The following TMEM51 variants were observed in gnomAD, a reference collection of about 807,000 sequenced individuals.
The protein encoded by TMEM51 is chromosome 1 open reading frame 72.
Under a neutral mutation model 13.6 loss-of-function variants are expected in TMEM51, and 8 were observed. The ratio of observed to expected loss-of-function variants is 0.59; its 90% CI spans 0.35 to 1.07. TMEM51 has a LOEUF of 1.07. TMEM51 is among the 50% of genes least tolerant of loss of function. TMEM51 has a pLI of 0.02. For synonymous variants in TMEM51, 147 were observed against 144.4 expected (o/e 1.02, Z -0.13); for missense variants, 279 against 330.7 (o/e 0.84, Z 1.21).
intron 1 of TMEM51, among the ~76,000 whole-genome samples, chr1:15,155,323 T>C (rs7525947): frequency 0.39 from 59,302 of 152,054 alleles, 11,978 homozygotes; most frequent in African/African-American, 0.51. Context: ...GGGATACTCA[T>C]GAAAAGTGTT....
At chr1:15,203,194 G>T (rs1433743130) in intron 1 of TMEM51, among the ~76,000 whole-genome samples, 1 of 151,998 alleles carries the variant, frequency 6.6e-6, no homozygotes, top group Admixed American at 6.6e-5. Context: ...TTCCTCCCTC[G>T]CATCCTTCAA....
intron 1 of TMEM51, among the ~76,000 whole-genome samples, chr1:15,185,093 G>A (rs924985704): frequency 1.1e-4 from 17 of 151,276 alleles, no homozygotes; most frequent in African/African-American, 4.1e-4. Context: ...TGTGCTTGAT[G>A]GTCCAGACTT....
intron 1 of TMEM51, among the ~76,000 whole-genome samples, chr1:15,177,621 T>C (rs1339027275): frequency 6.6e-6 from 1 of 152,186 alleles, no homozygotes; most frequent in East Asian, 1.9e-4. Context: ...GCGTGCAGTG[T>C]CTCTCTGGGA....
chr1:15,171,535 G>T (rs1017386046), intron 1 of TMEM51, among the ~76,000 whole-genome samples: 3 of 152,194 alleles, frequency 2.0e-5, no homozygotes, highest in Non-Finnish European at 4.4e-5. Flanking sequence ...AACAGGACCA[G>T]CAGTCAGGAG....
chr1:15,176,721 C>T (rs577284061), intron 1 of TMEM51, among the ~76,000 whole-genome samples: 28 of 152,316 alleles, frequency 1.8e-4, no homozygotes, highest in Admixed American at 1.3e-3. Flanking sequence ...TTAAAGAATT[C>T]AGGTTGGATG....
At position 15,177,371 on chromosome 1, in the gene TMEM51, A is replaced by G. The variant is rs184607707; in HGVS notation, c.-267+23417A>G. Among the ~76,000 whole-genome samples, 17 of 152,260 alleles carry G rather than the reference A, an allele frequency of 1.1e-4. 1 individual carries two copies. Among genetic ancestry groups the G allele is most frequent in the Admixed American group, 9.8e-4 (15 of 15,288 alleles). The stretch of plus-strand genomic sequence containing the variant: ...GGAGAGAATGCCCAAGGTCACTGAG[A>G]TTTCAAGCCCAGGCCACCAGGAAAG... On this transcript the variant is annotated intron_variant, in intron 1 of 3. Coordinates refer to ENST00000376008, the MANE Select transcript of TMEM51 (RefSeq NM_001136218.2).
intron 1 of TMEM51, among the ~76,000 whole-genome samples, chr1:15,165,134 C>T (rs556598088): frequency 5.3e-4 from 80 of 152,176 alleles, no homozygotes; most frequent in Middle Eastern, 3.4e-3. Flanking sequence ...AGCTGAATGC[C>T]CTAGTTGAGA....
intron 1 of TMEM51, among the ~76,000 whole-genome samples, chr1:15,156,233 G>C (rs569793802): frequency 6.6e-6 from 1 of 152,256 alleles, no homozygotes; most frequent in Admixed American, 6.5e-5. Context: ...CAGATGTCAC[G>C]AGGCCTGGGA....
At chr1:15,154,462 G>T (rs1642518021) in intron 1 of TMEM51, among the ~76,000 whole-genome samples, 1 of 152,178 alleles carries the variant, frequency 6.6e-6, no homozygotes, top group Admixed American at 6.5e-5. Flanking sequence ...TAAAGAATCG[G>T]GCATGAGCAA....
At chr1:15,196,332 T>C (rs1382156802) in intron 1 of TMEM51, among the ~76,000 whole-genome samples, 1 of 152,140 alleles carries the variant, frequency 6.6e-6, no homozygotes, top group Non-Finnish European at 1.5e-5. Context: ...GTGATGGGAA[T>C]ATTTACACCA....
intron 1 of TMEM51, among the ~76,000 whole-genome samples, chr1:15,204,423 G>A (rs535787592): frequency 2.2e-4 from 34 of 152,228 alleles, no homozygotes; most frequent in South Asian, 2.1e-3. Flanking sequence ...GTGTGGTGGC[G>A]CACGCCTGTA....
Position 15,159,347 on chromosome 1 carries a change from T to C in TMEM51, c.-267+5393T>C, listed in dbSNP as rs148777006. Among the ~76,000 whole-genome samples, 558 of 152,220 alleles carry C rather than the reference T, an allele frequency of 3.7e-3. 1 individual carries two copies. Among genetic ancestry groups the C allele is most frequent in the Middle Eastern group, 0.017 (5 of 294 alleles). Reference sequence around the variant, plus strand: ...TGTAGACCCTTGACCCCTCCACAAATGAGCGACTCAAAACACACGTTCACG... The same window carrying C: ...TGTAGACCCTTGACCCCTCCACAAACGAGCGACTCAAAACACACGTTCACG... On this transcript the variant is annotated intron_variant, in intron 1 of 3. Transcript: ENST00000376008.
chr1:15,163,207 C>T (rs1328821200), intron 1 of TMEM51, among the ~76,000 whole-genome samples: 1 of 151,988 alleles, frequency 6.6e-6, no homozygotes. Flanking sequence ...TATTAGGCAG[C>T]AGGGAGGAGT....
intron 2 of TMEM51, 26 bp from the exon 3 acceptor site, chr1:15,214,869 C>T (rs909042184): frequency 5.2e-6 from 3 of 573,980 alleles, no homozygotes; most frequent in Non-Finnish European, 9.2e-6. Context: ...TGATCGTCCT[C>T]TCTGCTCTTT....
chr1:15,197,412 G>A lies in TMEM51; in HGVS notation c.-266-13078G>A, dbSNP rs116811270. On this transcript the variant is annotated intron_variant, in intron 1 of 3. Transcript: ENST00000376008. ...TTCTCTGGGGCGCTTGAGACTGACC[G>A]GTGCCCCTCCCTGTTGGACACCTCC... Among the ~76,000 whole-genome samples the A allele has an allele frequency of 1.1e-3, 164 of 152,198 alleles. 1 individual carries two copies. Among genetic ancestry groups the A allele is most frequent in the African/African-American group, 3.8e-3 (156 of 41,510 alleles).
At chr1:15,179,367 A>C (rs1643543291) in intron 1 of TMEM51, among the ~76,000 whole-genome samples, 2 of 152,162 alleles carry the variant, frequency 1.3e-5, no homozygotes, top group African/African-American at 4.8e-5. Flanking sequence ...AAACAAACTG[A>C]TACAGTCACA....
intron 1 of TMEM51, among the ~76,000 whole-genome samples, chr1:15,203,341 G>A (rs1011535968): frequency 3.8e-4 from 57 of 151,886 alleles, no homozygotes; most frequent in African/African-American, 1.3e-3. Flanking sequence ...TGCAACCTCC[G>A]CCTCCCTGGT....
At chr1:15,162,859 G>C (rs1169493421) in intron 1 of TMEM51, among the ~76,000 whole-genome samples, 1 of 152,046 alleles carries the variant, frequency 6.6e-6, no homozygotes, top group African/African-American at 2.4e-5. Flanking sequence ...GCTGGGGGAA[G>C]AGGAATGGGG....
At chr1:15,180,026 G>A (rs1202446476) in intron 1 of TMEM51, among the ~76,000 whole-genome samples, 2 of 152,172 alleles carry the variant, frequency 1.3e-5, no homozygotes, top group Admixed American at 1.3e-4. Context: ...AAATAAATAA[G>A]TAAAGGGCAG....
Sources: allele counts gnomAD v4.1 joint callset (sites outside exome capture counted in the v4.1 genomes callset), GRCh38; gene constraint gnomAD v4.1.1; transcripts MANE v1.5; gene names NCBI Gene and HGNC (gene_info 2026-07-23, HGNC 2026-07-21).